The following SCEL variants were observed in gnomAD, a reference collection of about 807,000 sequenced individuals.
SCEL encodes the protein sciellin.
A neutral mutation model predicts 117.6 loss-of-function variants in SCEL; 113 were observed. The observed-to-expected ratio is 0.96, with a 90% confidence interval of 0.83 to 1.12. The LOEUF is 1.12. SCEL is among the 50% of genes most tolerant of loss of function. The pLI is 0.00. For missense variants in SCEL, 785 were observed against 810.8 expected (o/e 0.97, Z 0.39); for synonymous variants, 270 against 256.2 (o/e 1.05, Z -0.51).
rs1360077681 is a variant in SCEL, at chr13:77,599,397, A to G, written c.857+9A>G. ...GAAGAAAGAGAGAAAAGGTAAGTGC[A>G]TCTGTCTCAAATATGAAAATCTTAC... On this transcript the variant is annotated intron_variant, in intron 14 of 32. Transcript: ENST00000349847. 1 of 1,607,286 alleles carries G rather than the reference A, an allele frequency of 6.2e-7. No homozygotes were observed. Among genetic ancestry groups the G allele is most frequent in the Non-Finnish European group, 8.5e-7 (1 of 1,174,654 alleles).
At chr13:77,602,365 ATAAT>A (rs2087771945) in intron 16 of SCEL, 6 of 495,236 alleles carry the variant, frequency 1.2e-5, no homozygotes, top group East Asian at 9.5e-5. Context: ...ATTTTCTTAA[ATAAT>A]TAAGAGATGA....
At chr13:77,579,879 A>C (rs1001465437) in intron 9 of SCEL, among the ~76,000 whole-genome samples, 3 of 152,142 alleles carry the variant, frequency 2.0e-5, no homozygotes, top group African/African-American at 7.2e-5. Context: ...CCAGTGCCAG[A>C]GAGTACGGTG....
At chr13:77,593,293 T>TGTGCGCGC (rs2086999084) in intron 11 of SCEL, among the ~76,000 whole-genome samples, 2 of 53,394 alleles carry the variant, frequency 3.7e-5, no homozygotes, top group East Asian at 1.8e-3. Flanking sequence ...TGTGTGTGTG[T>TGTGCGCGC]GTGTCTGTGT....
chr13:77,624,943 G>C (rs1425784810), intron 27 of SCEL, among the ~76,000 whole-genome samples: 1 of 152,196 alleles, frequency 6.6e-6, no homozygotes, highest in Non-Finnish European at 1.5e-5. Flanking sequence ...AAATATTTAT[G>C]GAGCAGCTAC....
chr13:77,550,392 A>ATATATATATATATATATATAT, intron 1 of SCEL, among the ~76,000 whole-genome samples: 1 of 21,890 alleles, frequency 4.6e-5, no homozygotes, highest in South Asian at 1.9e-3. Context: ...TCTAAAATAT[A>ATATATATATATATATATATAT]TATATATATA....
At chr13:77,635,815 G>T (rs545340908) in intron 29 of SCEL, among the ~76,000 whole-genome samples, 70 of 152,104 alleles carry the variant, frequency 4.6e-4, no homozygotes, top group Non-Finnish European at 8.5e-4. Context: ...AATTCTCAAA[G>T]CATAGTCTCT....
At chr13:77,539,541 AT>A (rs890441365) in intron 1 of SCEL, among the ~76,000 whole-genome samples, 283 of 145,812 alleles carry the variant, frequency 1.9e-3, no homozygotes, top group Non-Finnish European at 2.4e-3. Context: ...TTAGAAAATA[AT>A]TTTTTTTTTT....
At chr13:77,563,031 G>A (rs1001741884) in intron 4 of SCEL, among the ~76,000 whole-genome samples, 4 of 152,124 alleles carry the variant, frequency 2.6e-5, no homozygotes, top group Admixed American at 6.6e-5. Context: ...TTTTTTAAAT[G>A]TTTGATCAAT....
At chr13:77,550,100 T>C (rs1283313414) in intron 1 of SCEL, among the ~76,000 whole-genome samples, 1 of 151,872 alleles carries the variant, frequency 6.6e-6, no homozygotes, top group African/African-American at 2.4e-5. Context: ...AAAAATATAT[T>C]CACAGCTGGG....
chr13:77,633,156 G>T (rs558515765), intron 28 of SCEL, among the ~76,000 whole-genome samples: 3 of 149,764 alleles, frequency 2.0e-5, no homozygotes, highest in East Asian at 2.0e-4. Context: ...GCAAACACAG[G>T]CCGGGCGCGG....
chr13:77,614,797 C>T (rs1594127395), intron 24 of SCEL, among the ~76,000 whole-genome samples: 1 of 152,180 alleles, frequency 6.6e-6, no homozygotes, highest in Admixed American at 6.6e-5. Flanking sequence ...TAGTGGAAGA[C>T]TGATAGTAGT....
At chr13:77,609,867 T>A (rs1422284451) in intron 21 of SCEL, among the ~76,000 whole-genome samples, 180 bp from the exon 22 acceptor site, 1 of 152,190 alleles carries the variant, frequency 6.6e-6, no homozygotes, top group African/African-American at 2.4e-5. Flanking sequence ...CTCTCCAGTT[T>A]TAGTTAGGTC....
rs943994945 is a variant in SCEL, at chr13:77,593,553, A to T, written c.732A>T (p.Ser244=). The T allele has an allele frequency of 1.2e-6, 2 of 1,612,978 alleles. No homozygotes were observed. The highest frequency in any genetic ancestry group is 3.3e-4 in the Middle Eastern group (2 of 6,054). ...DLDNIVKVAT[S]LQRSDKGEEL... is the part of the protein sequence containing the mutation. The stretch of plus-strand genomic sequence containing the variant: ...ATAACATCGTCAAAGTGGCCACTTC[A>T]CTTCAGAGAAGTGACAAAGGGTGAG... The change falls in exon 12 of 33, where the codon TCA becomes TCT. Residue 244 remains serine, a synonymous_variant. Transcript: ENST00000349847.
chr13:77,546,569 T>A (rs138279105), intron 1 of SCEL, among the ~76,000 whole-genome samples: 92 of 152,138 alleles, frequency 6.0e-4, no homozygotes, highest in African/African-American at 2.1e-3. Flanking sequence ...GTTTTGTTGA[T>A]AAAAGAATCA....
At chr13:77,603,959 C>T (rs2087917939) in intron 18 of SCEL, among the ~76,000 whole-genome samples, 1 of 152,114 alleles carries the variant, frequency 6.6e-6, no homozygotes, top group Non-Finnish European at 1.5e-5. Context: ...ACAGAATAGG[C>T]AATTGTATCC....
At chr13:77,617,758 G>T in intron 25 of SCEL, 45 bp from the exon 26 acceptor site, 1 of 1,538,922 alleles carries the variant, frequency 6.5e-7, no homozygotes, top group South Asian at 1.2e-5. Context: ...ATTACCAAAA[G>T]AACTTCAAAA....
At chr13:77,610,487 G>A (rs375743379) in intron 22 of SCEL, among the ~76,000 whole-genome samples, 5 of 149,680 alleles carry the variant, frequency 3.3e-5, no homozygotes, top group East Asian at 3.9e-4. Context: ...GCATTGTCCC[G>A]CCATAGAGAC....
intron 5 of SCEL, among the ~76,000 whole-genome samples, chr13:77,565,358 T>C (rs185276387): frequency 3.3e-5 from 5 of 152,310 alleles, no homozygotes; most frequent in African/African-American, 1.2e-4. Flanking sequence ...AGAGTAATTC[T>C]TATGTGCAGC....
rs1567437697 is a variant in SCEL, at chr13:77,627,942, C to T, written c.1629-5C>T. The T allele has an allele frequency of 3.7e-6, 5 of 1,353,814 alleles. No homozygotes were observed. Among genetic ancestry groups the T allele is most frequent in the East Asian group, 2.4e-5 (1 of 42,144 alleles). 83.9% of individuals were successfully genotyped at this position (1,353,814 alleles called of 1,614,324 possible). Reference sequence around the variant, plus strand: ...TTATTCATATATATATATTTTTTTCCTTAGAGACCAGAACCTGGAAAATTT... The same window carrying T: ...TTATTCATATATATATATTTTTTTCTTTAGAGACCAGAACCTGGAAAATTT... On this transcript the variant is annotated splice_region_variant and splice_polypyrimidine_tract_variant and intron_variant, in intron 27 of 32. Coordinates refer to ENST00000349847, the MANE Select transcript of SCEL (RefSeq NM_144777.3).
Sources: gnomAD v4.1 joint callset for allele counts (sites outside exome capture counted in the v4.1 genomes callset) on GRCh38, gnomAD v4.1.1 for gene constraint, MANE v1.5 for transcripts, NCBI Gene and HGNC (gene_info 2026-07-23, HGNC 2026-07-21) for gene names.